TBL1X: variants seen among roughly 807,000 people sequenced by gnomAD.
TBL1X encodes transducin beta like 1 X-linked, also known as F-box-like/WD repeat-containing protein TBL1X.
In TBL1X, 10 loss-of-function variants were observed where a neutral mutation model predicts 50.7. The observed-to-expected ratio is 0.20, with a 90% confidence interval of 0.12 to 0.33. The LOEUF is 0.33. Ranked by LOEUF, TBL1X falls within the 10% of genes least tolerant of loss-of-function variation. The probability of loss-of-function intolerance (pLI) is 1.00; values close to 1 mark genes in which losing one functional copy is unlikely to be tolerated. For synonymous variants in TBL1X, 190 were observed against 214.7 expected, an observed-to-expected ratio of 0.88 and a Z score of 1.01; for missense variants, 340 against 504.4, an observed-to-expected ratio of 0.67 and a Z score of 3.12.
chrX:9,544,973 A>G (rs1310489133), intron 2 of TBL1X, among the ~76,000 whole-genome samples: 3 of 108,720 alleles, frequency 2.8e-5, no homozygotes, highest in Non-Finnish European at 5.7e-5. Context: ...AGTGAAATCC[A>G]AGGTTTATGT....
chrX:9,608,531 A>G lies in TBL1X; in HGVS notation c.-130-31742A>G, dbSNP rs144350440. ...CATTCCGGATGGTGCAGCCTCTACA[A>G]TGTTTGTCTCTTTGAAGCGGAGTGG... is the stretch of plus-strand genomic sequence containing the variant. On this transcript the variant is annotated intron_variant, in intron 2 of 17. Transcript: ENST00000645353. Among the ~76,000 whole-genome samples, 146 of 111,384 alleles carry G rather than the reference A, an allele frequency of 1.3e-3. No individual in the cohort carries two copies. In the East Asian group the frequency reaches 0.014, roughly 11 times the overall value.
chrX:9,601,113 A>T (rs1424409908), intron 2 of TBL1X, among the ~76,000 whole-genome samples: 2 of 111,807 alleles, frequency 1.8e-5, no homozygotes, highest in Non-Finnish European at 3.8e-5. Context: ...ATCAGTGCAC[A>T]GACCAGGGCA....
intron 2 of TBL1X, among the ~76,000 whole-genome samples, chrX:9,589,574 C>G (rs1236910090): frequency 9.0e-6 from 1 of 111,298 alleles, no homozygotes; most frequent in Admixed American, 9.5e-5. Context: ...CACACTAATC[C>G]CTGAACACAC....
chrX:9,569,750 C>T (rs1463831350), intron 2 of TBL1X, among the ~76,000 whole-genome samples: 1 of 112,234 alleles, frequency 8.9e-6, no homozygotes, highest in Admixed American at 9.4e-5. Flanking sequence ...CATACATAAT[C>T]CAGGTAGTTG....
intron 1 of TBL1X, among the ~76,000 whole-genome samples, chrX:9,477,562 A>ATAAATGTTTGCCC (rs1341925235): frequency 8.9e-6 from 1 of 112,181 alleles, no homozygotes; most frequent in African/African-American, 3.2e-5. Context: ...TGGCTTTGCC[A>ATAAATGTTTGCCC]TAAATGTTTG....
chrX:9,685,592 C>T (rs2083052994), intron 6 of TBL1X, among the ~76,000 whole-genome samples: 1 of 111,724 alleles, frequency 9.0e-6, no homozygotes, highest in Admixed American at 9.5e-5. Flanking sequence ...CCCTCTGTCC[C>T]GTCTTTCTGG....
chrX:9,570,296 A>G (rs999009360), intron 2 of TBL1X, among the ~76,000 whole-genome samples: 1 of 111,969 alleles, frequency 8.9e-6, no homozygotes, highest in African/African-American at 3.2e-5. Context: ...GTCTCTGTGC[A>G]TTATCTGGAA....
intron 2 of TBL1X, among the ~76,000 whole-genome samples, chrX:9,613,757 G>A (rs931555831): frequency 1.4e-4 from 15 of 110,340 alleles, no homozygotes; most frequent in African/African-American, 4.6e-4. Flanking sequence ...AGGCCTTGGC[G>A]GGCGGATCAC....
intron 1 of TBL1X, among the ~76,000 whole-genome samples, chrX:9,496,152 A>G (rs1391442084): frequency 1.8e-5 from 2 of 112,470 alleles, no homozygotes; most frequent in Non-Finnish European, 3.8e-5. Context: ...GGCCCTCTGG[A>G]AAGCGTGCGG....
At chrX:9,520,199 G>A (rs1305038026) in intron 2 of TBL1X, among the ~76,000 whole-genome samples, 2 of 112,084 alleles carry the variant, frequency 1.8e-5, no homozygotes, top group East Asian at 5.6e-4. Context: ...TATGTGCATG[G>A]AAAACCCAAA....
intron 1 of TBL1X, among the ~76,000 whole-genome samples, chrX:9,479,961 T>C: frequency 9.2e-6 from 1 of 109,028 alleles, no homozygotes; most frequent in Non-Finnish European, 1.9e-5. Context: ...TGTGTGTGTG[T>C]GTGTTTGAGA....
intron 2 of TBL1X, among the ~76,000 whole-genome samples, chrX:9,524,355 G>A (rs1274556979): frequency 9.0e-6 from 1 of 111,674 alleles, no homozygotes; most frequent in African/African-American, 3.3e-5. Flanking sequence ...CTTTTGTCTC[G>A]TAGTCCTGAA....
intron 1 of TBL1X, among the ~76,000 whole-genome samples, chrX:9,497,818 C>G (rs1307979350): frequency 1.2e-5 from 1 of 82,094 alleles, no homozygotes; most frequent in Admixed American, 1.8e-4. Context: ...CCCTCCCTCT[C>G]GTTTCTTTCT....
At chrX:9,492,328 G>T (rs1462461378) in intron 1 of TBL1X, among the ~76,000 whole-genome samples, 1 of 110,809 alleles carries the variant, frequency 9.0e-6, no homozygotes, top group Non-Finnish European at 1.9e-5. Flanking sequence ...CTGACAAGCA[G>T]ATGACCTAAA....
chrX:9,679,772 A>G (rs187053676), intron 5 of TBL1X, among the ~76,000 whole-genome samples: 9 of 111,575 alleles, frequency 8.1e-5, no homozygotes, highest in Non-Finnish European at 1.5e-4. Flanking sequence ...CTGGAGTCCA[A>G]GTGGGAGGGG....
At chrX:9,577,336 T>C (rs2147016865) in intron 2 of TBL1X, among the ~76,000 whole-genome samples, 1 of 112,019 alleles carries the variant, frequency 8.9e-6, no homozygotes, top group East Asian at 2.8e-4. Flanking sequence ...AGATGAACAG[T>C]CTGGCTTGAT....
At chrX:9,650,638 G>A (rs1438943589) in intron 3 of TBL1X, among the ~76,000 whole-genome samples, 1 of 111,945 alleles carries the variant, frequency 8.9e-6, no homozygotes, top group African/African-American at 3.3e-5. Flanking sequence ...CTGTTGCCCT[G>A]TTCCTAAGCC....
chrX:9,629,406 T>C (rs1264771209), intron 2 of TBL1X, among the ~76,000 whole-genome samples: 3 of 112,477 alleles, frequency 2.7e-5, no homozygotes, highest in African/African-American at 9.7e-5. Context: ...CACTGCTCCA[T>C]GGTTCTGGAA....
chrX:9,581,457 C>G (rs770771447), intron 2 of TBL1X, among the ~76,000 whole-genome samples: 1 of 111,652 alleles, frequency 9.0e-6, no homozygotes, highest in African/African-American at 3.3e-5. Context: ...CTCTGATGCT[C>G]ACCAGTGGGG....
Sources: gnomAD v4.1 joint callset for allele counts (sites outside exome capture counted in the v4.1 genomes callset) on GRCh38, gnomAD v4.1.1 for gene constraint, MANE v1.5 for transcripts, NCBI Gene and HGNC (gene_info 2026-07-23, HGNC 2026-07-21) for gene names.